The following PPARG variants were observed in gnomAD, a reference collection of about 807,000 sequenced individuals.
PPARG encodes peroxisome proliferator activated receptor gamma, also known as peroxisome proliferator-activated receptor gamma.
In PPARG, 17 loss-of-function variants were observed where a neutral mutation model predicts 39.2. The observed-to-expected ratio is 0.43, with a 90% CI of 0.30 to 0.65. The LOEUF is 0.65. Among genes scored for constraint, PPARG ranks in the 30% least tolerant of loss-of-function variants. The probability of loss-of-function intolerance (pLI) is 0.13; values close to 1 mark genes in which losing one functional copy is unlikely to be tolerated. For missense variants in PPARG, 406 were observed against 585.9 expected, an observed-to-expected ratio of 0.69 and a Z score of 3.17; for synonymous variants, 223 against 215.7, an observed-to-expected ratio of 1.03 and a Z score of -0.30.
chr3:12,426,526 C>T (rs2051453903), intron 7 of PPARG, among the ~76,000 whole-genome samples: 1 of 149,782 alleles, frequency 6.7e-6, no homozygotes, highest in Non-Finnish European at 1.5e-5. Context: ...GGAAAACATC[C>T]GGAAAGCAGC....
At chr3:12,304,258 C>G (rs1353390136) in intron 1 of PPARG, among the ~76,000 whole-genome samples, 2 of 152,150 alleles carry the variant, frequency 1.3e-5, no homozygotes, top group South Asian at 4.1e-4. Flanking sequence ...GGCGTGACTA[C>G]CCACTTGAGG....
At chr3:12,365,711 C>A (rs2048995556) in intron 2 of PPARG, among the ~76,000 whole-genome samples, 1 of 152,076 alleles carries the variant, frequency 6.6e-6, no homozygotes. Context: ...CAGCTGACTA[C>A]ATTTATGTGG....
intron 5 of PPARG, among the ~76,000 whole-genome samples, chr3:12,404,875 CAT>C (rs1257006205): frequency 6.6e-6 from 1 of 152,168 alleles, no homozygotes; most frequent in Non-Finnish European, 1.5e-5. Context: ...TTGCTAGAGA[CAT>C]AAACAAATAT....
chr3:12,394,611 A>AT (rs1244626304), intron 5 of PPARG, among the ~76,000 whole-genome samples: 14 of 152,352 alleles, frequency 9.2e-5, no homozygotes, highest in African/African-American at 3.1e-4. Context: ...ATTAAGTGTC[A>AT]TGACATCAGA....
At chr3:12,383,036 C>T (rs1449379531) in intron 4 of PPARG, among the ~76,000 whole-genome samples, 1 of 152,006 alleles carries the variant, frequency 6.6e-6, no homozygotes, top group Admixed American at 6.6e-5. Context: ...CTCTAAAGTC[C>T]CTTCAATTGA....
rs977383564 is a variant in PPARG at position 12,401,330 on chromosome 3, T to C, written c.530-4552T>C. Among the ~76,000 whole-genome samples, 4 of 152,120 alleles carry C rather than the reference T, an allele frequency of 2.6e-5. No individual in the cohort carries two copies. The East Asian group carries it at 7.7e-4, about 29-fold the overall frequency. On this transcript the variant is annotated intron_variant, in intron 5 of 7. Coordinates refer to ENST00000651735, the MANE Select transcript of PPARG (RefSeq NM_138711.6). ...TAGGCAGACAGATGGACACATAGAT[T>C]AGGTTTTCAGATTCTGTTCTTTCTC...
upstream of PPARG, chr3:12,288,700 G>C (rs1464797889): frequency 6.6e-6 from 1 of 152,346 alleles, no homozygotes; most frequent in Non-Finnish European, 1.5e-5. Context: ...CAGGCCCTGT[G>C]CCCTGACGCG....
chr3:12,426,899 C>A (rs1559537460), intron 7 of PPARG, among the ~76,000 whole-genome samples: 1 of 152,198 alleles, frequency 6.6e-6, no homozygotes, highest in Non-Finnish European at 1.5e-5. Flanking sequence ...CCAACTGCGT[C>A]TCACTCAGCT....
chr3:12,405,709 G>A (rs988864480), intron 5 of PPARG, among the ~76,000 whole-genome samples, 173 bp from the exon 6 acceptor site: 5 of 152,214 alleles, frequency 3.3e-5, no homozygotes, highest in African/African-American at 1.2e-4. Context: ...CTGATGGTCT[G>A]TGCTACTTTT....
intron 2 of PPARG, among the ~76,000 whole-genome samples, chr3:12,347,760 C>G (rs2048369229): frequency 6.6e-6 from 1 of 152,180 alleles, no homozygotes. Flanking sequence ...TAAACTCCTT[C>G]TTGAATGATA....
chr3:12,371,303 TC>T (rs1284999305), intron 2 of PPARG, among the ~76,000 whole-genome samples: 1 of 152,140 alleles, frequency 6.6e-6, no homozygotes, highest in Non-Finnish European at 1.5e-5. Context: ...GCTGTGCCCA[TC>T]CTTCTTCACC....
In PPARG at chr3:12,433,945, A is replaced by C. The variant is rs2051763092; in HGVS notation, c.1228A>C (p.Asn410His). 2 of 1,614,142 alleles carry C rather than the reference A, an allele frequency of 1.2e-6. No individual in the cohort carries two copies. Among genetic ancestry groups the C allele is most frequent in the Admixed American group, 1.7e-5 (1 of 60,014 alleles). The change falls in exon 8 of 8, where the codon AAC becomes CAC. Residue 410 changes from asparagine (N) to histidine (H), a missense_variant. Transcript: ENST00000651735. ...GAAGCCCATTGAAGACATTCAAGAC[A>C]ACCTGCTACAAGCCCTGGAGCTCCA... ...NVKPIEDIQD[N>H]LLQALELQLK...
intron 6 of PPARG, among the ~76,000 whole-genome samples, chr3:12,415,120 T>C (rs2051014497): frequency 1.3e-5 from 2 of 152,174 alleles, no homozygotes; most frequent in African/African-American, 2.4e-5. Flanking sequence ...AGGAGAGAAT[T>C]GTCAGCATCT....
At chr3:12,329,698 G>T (rs2047796222) in intron 2 of PPARG, among the ~76,000 whole-genome samples, 1 of 152,112 alleles carries the variant, frequency 6.6e-6, no homozygotes, top group South Asian at 2.1e-4. Context: ...CAGTGGCATT[G>T]GTTACGTTCA....
At chr3:12,310,382 C>A (rs968057454) in intron 1 of PPARG, among the ~76,000 whole-genome samples, 1 of 151,844 alleles carries the variant, frequency 6.6e-6, no homozygotes. Flanking sequence ...GGAATCAACT[C>A]CTTTAATTTT....
chr3:12,309,685 A>G (rs558614242), intron 1 of PPARG, among the ~76,000 whole-genome samples: 1 of 152,350 alleles, frequency 6.6e-6, no homozygotes, highest in Non-Finnish European at 1.5e-5. Flanking sequence ...TAAGTTTTCA[A>G]TTATTTCCAT....
intron 2 of PPARG, among the ~76,000 whole-genome samples, chr3:12,326,779 A>G (rs2047707653): frequency 1.3e-5 from 2 of 152,104 alleles, no homozygotes; most frequent in African/African-American, 4.8e-5. Flanking sequence ...ATTCTTGGGT[A>G]GAAACTAATA....
intron 6 of PPARG, among the ~76,000 whole-genome samples, chr3:12,415,034 T>A (rs975610019): frequency 6.6e-6 from 1 of 152,240 alleles, no homozygotes; most frequent in Non-Finnish European, 1.5e-5. Context: ...TAGAGTTCCA[T>A]AGATATGAAT....
intron 7 of PPARG, among the ~76,000 whole-genome samples, chr3:12,426,311 A>G (rs1385739710): frequency 2.0e-5 from 3 of 152,352 alleles, no homozygotes; most frequent in Middle Eastern, 6.8e-3. Context: ...TCACTGCAGA[A>G]TGTGCTGGTT....
Sources: allele counts gnomAD v4.1 joint callset (sites outside exome capture counted in the v4.1 genomes callset), GRCh38; gene constraint gnomAD v4.1.1; transcripts MANE v1.5; gene names NCBI Gene and HGNC (gene_info 2026-07-23, HGNC 2026-07-21).